Variants in WDFY4 observed in about 807,000 individuals in gnomAD.
WDFY4 encodes WDFY family member 4.
A neutral mutation model predicts 351.9 loss-of-function variants in WDFY4; 169 were observed. The ratio of observed to expected loss-of-function variants is 0.48; its 90% CI spans 0.42 to 0.55. WDFY4 has a LOEUF of 0.55. Ranked by LOEUF, WDFY4 falls within the 20% of genes least tolerant of loss-of-function variation. The pLI is 0.00. For missense variants in WDFY4, 3,803 were observed against 3,935.6 expected, an observed-to-expected ratio of 0.97 and a Z score of 0.90; for synonymous variants, 1,622 against 1,574.6, an observed-to-expected ratio of 1.03 and a Z score of -0.71.
chr10:48,974,931 G>A lies in WDFY4; in HGVS notation c.8998G>A (p.Gly3000Ser), dbSNP rs1304294461. ...AGTCACCTTCAGCCTCCTGGTGAGC[G>A]GCTCCCAGGACTGCACCTGTATCCT... is the stretch of plus-strand genomic sequence containing the variant. ...ASVTFSLLVS[G>S]SQDCTCILWD... Residue 3000 changes from glycine (G) to serine (S), a missense_variant, in exon 58 of 62, where the codon GGC becomes AGC. This residue lies in a region of WDFY4 where 3,054 missense variants were observed against 3,148.6 expected (regional missense o/e 0.97). Transcript: ENST00000325239. 1.3e-5 allele frequency: 20 copies of A among 1,551,626 alleles called. No individual in the cohort carries two copies. Among genetic ancestry groups the A allele is most frequent in the Non-Finnish European group, 1.7e-5 (20 of 1,146,968 alleles).
intron 28 of WDFY4, among the ~76,000 whole-genome samples, chr10:48,809,026 G>A (rs551241257): frequency 6.6e-6 from 1 of 152,322 alleles, no homozygotes; most frequent in East Asian, 1.9e-4. Context: ...TTCAATAGGT[G>A]AGTATAGTAA....
chr10:48,912,109 A>T (rs2133481958), intron 47 of WDFY4, among the ~76,000 whole-genome samples: 1 of 152,328 alleles, frequency 6.6e-6, no homozygotes, highest in African/African-American at 2.4e-5. Flanking sequence ...TACCCACATG[A>T]AGGTGTGAGA....
chr10:48,820,638 G>A (rs961392068), intron 33 of WDFY4, among the ~76,000 whole-genome samples: 4 of 152,238 alleles, frequency 2.6e-5, no homozygotes, highest in Admixed American at 6.5e-5. Context: ...GCCTGAGGTG[G>A]GAGTTTTGTG....
In WDFY4 at chr10:48,731,505, C is replaced by A. The variant is rs1314406426; in HGVS notation, c.1525C>A (p.Leu509Ile). 6.4e-7 allele frequency: 1 copy of A among 1,551,518 alleles called. No individual in the cohort carries two copies. Among genetic ancestry groups the A allele is most frequent in the Non-Finnish European group, 8.7e-7 (1 of 1,146,972 alleles). ...CACCGACATCTTCCGGGACTCAGGG[C>A]TCCTGGGCCTGCTACTGGCACAGCT... ...LFTDIFRDSG[L>I]LGLLLAQLRK... The change falls in exon 9 of 62, where the codon CTC (leucine) becomes ATC (isoleucine). Residue 509 changes from leucine (L) to isoleucine (I), a missense_variant. This residue lies in a region of WDFY4 where 261 missense variants were observed against 330.2 expected (regional missense o/e 0.79). Coordinates refer to ENST00000325239, the MANE Select transcript of WDFY4 (RefSeq NM_001394531.1).
chr10:48,917,248 T>A (rs1341772450), intron 47 of WDFY4, among the ~76,000 whole-genome samples: 1 of 152,236 alleles, frequency 6.6e-6, no homozygotes, highest in Non-Finnish European at 1.5e-5. Context: ...AAGTGACATG[T>A]GCCTCTATCT....
intron 24 of WDFY4, among the ~76,000 whole-genome samples, chr10:48,802,097 G>A (rs527902597): frequency 5.9e-5 from 9 of 152,054 alleles, no homozygotes; most frequent in East Asian, 1.9e-4. Flanking sequence ...ATAATAGGCC[G>A]GGTACGGTGG....
chr10:48,898,952 A>G (rs183628087), intron 45 of WDFY4, among the ~76,000 whole-genome samples: 2 of 151,880 alleles, frequency 1.3e-5, no homozygotes, highest in Admixed American at 6.5e-5. Flanking sequence ...CCTTTCCACT[A>G]TTATACATAC....
chr10:48,982,364 G>T (rs1262772082), intron 61 of WDFY4, 145 bp from the exon 62 acceptor site: 2 of 587,804 alleles, frequency 3.4e-6, no homozygotes, highest in Non-Finnish European at 5.6e-6. Flanking sequence ...TCCTCCCACT[G>T]CCTCCCCTGC....
chr10:48,836,113 A>G (rs1034341362), intron 39 of WDFY4, among the ~76,000 whole-genome samples: 1 of 152,260 alleles, frequency 6.6e-6, no homozygotes, highest in South Asian at 2.1e-4. Flanking sequence ...ACATATGTAC[A>G]CTGTGATGTC....
At chr10:48,856,878 T>C (rs1222495895) in intron 39 of WDFY4, among the ~76,000 whole-genome samples, 4 of 152,108 alleles carry the variant, frequency 2.6e-5, no homozygotes, top group Non-Finnish European at 4.4e-5. Flanking sequence ...CCAGAAAAAC[T>C]CTTAGCTACT....
intron 43 of WDFY4, among the ~76,000 whole-genome samples, chr10:48,879,930 C>T (rs116405991): frequency 0.011 from 1,734 of 152,284 alleles, 29 homozygotes; most frequent in African/African-American, 0.039. Context: ...CTGCCTAGGG[C>T]GCAGGGGATG....
intron 47 of WDFY4, chr10:48,910,105 G>A: frequency 1.2e-6 from 1 of 810,572 alleles, no homozygotes; most frequent in South Asian, 1.5e-5. Context: ...TCGGTGGCTT[G>A]GCCAGCTCCG....
At chr10:48,840,302 G>A (rs912425635) in intron 39 of WDFY4, among the ~76,000 whole-genome samples, 1 of 152,048 alleles carries the variant, frequency 6.6e-6, no homozygotes, top group Admixed American at 6.6e-5. Context: ...CAGCATCAGG[G>A]AAATTCAACC....
chr10:48,712,532 C>G (rs2063793972), intron 2 of WDFY4, among the ~76,000 whole-genome samples: 1 of 152,224 alleles, frequency 6.6e-6, no homozygotes, highest in Non-Finnish European at 1.5e-5. Flanking sequence ...TCCTACATGC[C>G]TATGAAACAT....
intron 1 of WDFY4, among the ~76,000 whole-genome samples, chr10:48,690,929 G>A (rs2063176423): frequency 6.6e-6 from 1 of 152,146 alleles, no homozygotes; most frequent in Non-Finnish European, 1.5e-5. Flanking sequence ...CAGCCTTCAG[G>A]CCCTCCTTGG....
At chr10:48,958,051 C>A (rs564234645) in intron 52 of WDFY4, among the ~76,000 whole-genome samples, 2 of 152,174 alleles carry the variant, frequency 1.3e-5, no homozygotes, top group Admixed American at 6.5e-5. Context: ...CTAGAGCCCC[C>A]CCTCGTCAGT....
At chr10:48,685,288 C>A (rs2063011388) in intron 1 of WDFY4, among the ~76,000 whole-genome samples, 1 of 152,284 alleles carries the variant, frequency 6.6e-6, no homozygotes, top group African/African-American at 2.4e-5. Flanking sequence ...CAGCAGCACT[C>A]CTCGACCTCT....
intron 2 of WDFY4, among the ~76,000 whole-genome samples, chr10:48,717,998 C>T (rs922364426): frequency 1.3e-5 from 2 of 151,862 alleles, no homozygotes; most frequent in Non-Finnish European, 2.9e-5. Flanking sequence ...TTCTTCCAAC[C>T]GATACTCTGT....
At chr10:48,950,506 C>G (rs1335808198) in intron 51 of WDFY4, among the ~76,000 whole-genome samples, 1 of 152,100 alleles carries the variant, frequency 6.6e-6, no homozygotes, top group Admixed American at 6.5e-5. Context: ...CTCCTTGGAC[C>G]CTCACAAGCT....
Sources: allele counts gnomAD v4.1 joint callset (sites outside exome capture counted in the v4.1 genomes callset), GRCh38; gene constraint gnomAD v4.1.1; regional missense constraint gnomAD v4.1.1; transcripts MANE v1.5; gene names NCBI Gene and HGNC (gene_info 2026-07-23, HGNC 2026-07-21).